Variants in DNAH17 observed in about 807,000 individuals in gnomAD.
DNAH17 encodes axonemal beta dynein heavy chain 17.
In DNAH17, 376 loss-of-function variants were observed where a neutral mutation model predicts 485.6. That is an observed-to-expected ratio of 0.77 (90% CI 0.71 to 0.84). The LOEUF is 0.84. Ranked by LOEUF, DNAH17 falls within the 40% of genes least tolerant of loss-of-function variation. The probability of loss-of-function intolerance (pLI) is 0.00; values close to 1 mark genes in which losing one functional copy is unlikely to be tolerated. For missense variants in DNAH17, 6,370 were observed against 5,839.3 expected, an observed-to-expected ratio of 1.09 and a Z score of -2.96; for synonymous variants, 3,031 against 2,405.9, an observed-to-expected ratio of 1.26 and a Z score of -7.60.
rs756324797 is a variant in DNAH17, at chr17:78,480,638, C to T, written c.7752+46G>A. 6.5e-6 allele frequency: 10 copies of T among 1,536,930 alleles called. No individual in the cohort carries two copies. In the South Asian group the frequency reaches 1.1e-4, roughly 18 times the overall value. ...TTCCTCTCATTTGCCAGAAGCAAGC[C>T]TCAGACTCATGGCAGGTGACGGGGA... On this transcript the variant is annotated intron_variant, in intron 49 of 80. Coordinates refer to ENST00000389840, the MANE Select transcript of DNAH17 (RefSeq NM_173628.4).
chr17:78,501,395 G>A, intron 34 of DNAH17, 51 bp from the exon 35 acceptor site: 1 of 1,544,234 alleles, frequency 6.5e-7, no homozygotes, highest in South Asian at 1.2e-5. Context: ...AAGAGCTAGG[G>A]CTGCCTAAGG....
At chr17:78,572,633 G>GAGT (rs1305110380) in intron 3 of DNAH17, 68 bp downstream of exon 3, 8 of 1,363,456 alleles carry the variant, frequency 5.9e-6, no homozygotes, top group South Asian at 5.6e-5. Context: ...GAGTGGGGTG[G>GAGT]GGGGTGGGGG....
intron 13 of DNAH17, among the ~76,000 whole-genome samples, chr17:78,559,322 A>G (rs2092100627): frequency 1.3e-5 from 2 of 152,206 alleles, no homozygotes. Flanking sequence ...CAACAAGGCT[A>G]AAGCACAGCA....
At chr17:78,575,187 A>G (rs9903478) in intron 1 of DNAH17, 105 bp from the exon 2 acceptor site, 1 of 815,496 alleles carries the variant, frequency 1.2e-6, no homozygotes, top group Non-Finnish European at 1.9e-6. Context: ...GAGCAGGAAC[A>G]AAACAGTTGG....
At position 78,450,691 on chromosome 17, in the gene DNAH17, G is replaced by A. The variant is rs145435327; in HGVS notation, c.10890C>T (p.Ile3630=). The stretch of plus-strand genomic sequence containing the variant: ...CCGAGGCAGCTCTGACCTTCTCCTC[G>A]ATCTCGCTGGCTGTGTGCTTGGTGG... ...LETTKHTASE[I]EEKVVEAKIT... Residue 3630 remains isoleucine, a synonymous_variant, in exon 67 of 81, where the codon ATC becomes ATT. Coordinates refer to ENST00000389840, the MANE Select transcript of DNAH17 (RefSeq NM_173628.4). The A allele has an allele frequency of 1.4e-5, 23 of 1,612,864 alleles. No homozygotes were observed. The highest frequency in any genetic ancestry group is 1.3e-4 in the South Asian group (12 of 90,954).
chr17:78,499,037 C>A lies in DNAH17; in HGVS notation c.5716G>T (p.Val1906Leu), dbSNP rs1377396237. The part of the protein sequence containing the change: ...GCFDEFNRIS[V>L]EVLSVIAVQV... ...ACGGCAATCACAGACAAGACTTCCA[C>A]TGAGATGCGATTAAACTCGTCAAAG... Residue 1906 changes from valine (V) to leucine (L), a missense_variant, in exon 37 of 81, where the codon GTG (valine) becomes TTG (leucine). Val to Leu is a conservative substitution (Grantham distance 32, BLOSUM62 1). Coordinates refer to ENST00000389840, the MANE Select transcript of DNAH17 (RefSeq NM_173628.4). 7 of 1,611,088 alleles carry A rather than the reference C, an allele frequency of 4.3e-6. No individual in the cohort carries two copies. The South Asian group carries it at 5.5e-5, about 13-fold the overall frequency.
At position 78,571,510 on chromosome 17, in the gene DNAH17, T is replaced by C; in HGVS notation, c.732+80A>G. 5 of 1,547,474 alleles carry C rather than the reference T, an allele frequency of 3.2e-6. No individual in the cohort carries two copies. The South Asian group carries it at 4.5e-5, about 14-fold the overall frequency. On this transcript the variant is annotated intron_variant, in intron 4 of 80. Coordinates refer to ENST00000389840, the MANE Select transcript of DNAH17 (RefSeq NM_173628.4). Reference sequence around the variant, plus strand: ...AGAGCCCTCAGGACTCCTGGGAGGTTGGCACTGGGAGGCGGAGAGCTCGGC... The same window carrying C: ...AGAGCCCTCAGGACTCCTGGGAGGTCGGCACTGGGAGGCGGAGAGCTCGGC...
intron 15 of DNAH17, 37 bp downstream of exon 15, chr17:78,552,660 A>G: frequency 6.6e-7 from 1 of 1,517,966 alleles, no homozygotes; most frequent in Non-Finnish European, 9.2e-7. Context: ...TGGACTCCCA[A>G]GTTTAATCCA....
intron 37 of DNAH17, among the ~76,000 whole-genome samples, chr17:78,498,154 CATAAATAAATAAATAAATAA>C (rs148513000): frequency 1.2e-4 from 18 of 146,584 alleles, no homozygotes; most frequent in African/African-American, 4.0e-4. Flanking sequence ...AAAAACAAAA[CATAAATAAATAAATAAATAA>C]ATAAATAAAT....
At chr17:78,431,442 G>A (rs1360472172) in intron 75 of DNAH17, among the ~76,000 whole-genome samples, 1 of 146,880 alleles carries the variant, frequency 6.8e-6, no homozygotes, top group Non-Finnish European at 1.5e-5. Flanking sequence ...CGTACCTGCT[G>A]AGGGAACCCC....
intron 15 of DNAH17, among the ~76,000 whole-genome samples, 180 bp from the exon 16 acceptor site, chr17:78,551,818 C>T (rs1324990972): frequency 2.0e-5 from 3 of 151,992 alleles, no homozygotes; most frequent in African/African-American, 7.3e-5. Context: ...AAAAAATTAG[C>T]TGGGCATAGC....
In DNAH17 at chr17:78,461,553, G is replaced by A. The variant is rs1044616844; in HGVS notation, c.9330C>T (p.Val3110=). ...IADQEEVKVE[V]INKNVTEKQK... ...GGCTGCCTTCACCTACCTTATTGAT[G>A]ACCTCGACCTTGACTTCTTCCTGGT... Residue 3110 remains valine (V), a synonymous_variant, in exon 58 of 81, where the codon GTC becomes GTT. Coordinates refer to ENST00000389840, the MANE Select transcript of DNAH17 (RefSeq NM_173628.4). The A allele has an allele frequency of 3.1e-6, 5 of 1,591,324 alleles. No homozygotes were observed. Among genetic ancestry groups the A allele is most frequent in the Admixed American group, 1.8e-5 (1 of 56,538 alleles).
At chr17:78,541,365 G>A (rs1355040769) in intron 17 of DNAH17, among the ~76,000 whole-genome samples, 1 of 147,624 alleles carries the variant, frequency 6.8e-6, no homozygotes, top group Non-Finnish European at 1.5e-5. Flanking sequence ...AATGTGGTGG[G>A]TAGATGTGTA....
At chr17:78,508,590 A>G (rs1212992792) in intron 27 of DNAH17, among the ~76,000 whole-genome samples, 2 of 152,128 alleles carry the variant, frequency 1.3e-5, no homozygotes, top group Admixed American at 6.5e-5. Context: ...AAGCATAGTG[A>G]AAATGTTGCC....
At chr17:78,464,901 T>C (rs576604243) in intron 56 of DNAH17, among the ~76,000 whole-genome samples, 15 of 152,280 alleles carry the variant, frequency 9.9e-5, no homozygotes, top group African/African-American at 4.8e-5. Flanking sequence ...ATGAATTTTT[T>C]AGCGCTAATT....
intron 44 of DNAH17, among the ~76,000 whole-genome samples, chr17:78,488,944 A>G (rs2089731436): frequency 6.6e-6 from 1 of 151,812 alleles, no homozygotes; most frequent in Non-Finnish European, 1.5e-5. Context: ...AGAGCCTCAG[A>G]GGGAACCAGC....
At chr17:78,552,328 G>A (rs1375687749) in intron 15 of DNAH17, among the ~76,000 whole-genome samples, 3 of 152,174 alleles carry the variant, frequency 2.0e-5, no homozygotes, top group African/African-American at 4.8e-5. Flanking sequence ...CTTTGCTGAC[G>A]TCTGCCCTGA....
intron 69 of DNAH17, among the ~76,000 whole-genome samples, chr17:78,446,644 A>C (rs1324552093): frequency 6.6e-6 from 1 of 151,584 alleles, no homozygotes; most frequent in Non-Finnish European, 1.5e-5. Flanking sequence ...TTTATTATTT[A>C]TTATTATTTA....
At position 78,461,590 on chromosome 17, in the gene DNAH17, T is replaced by C. The variant is rs778468594; in HGVS notation, c.9293A>G (p.Lys3098Arg). ...GACTTCTTCCTGGTCAGCAATGGCCTTCTCTTTGCTGACCTTCTCGGCCTC... is the reference window on the plus strand; with the variant it reads ...GACTTCTTCCTGGTCAGCAATGGCCCTCTCTTTGCTGACCTTCTCGGCCTC... ...GIEAEKVSKE[K>R]AIADQEEVKV... Residue 3098 changes from lysine to arginine, a missense_variant, in exon 58 of 81, where the codon AAG (lysine) becomes AGG (arginine). Lys to Arg is a conservative substitution (Grantham distance 26). Coordinates refer to ENST00000389840, the MANE Select transcript of DNAH17 (RefSeq NM_173628.4). 11 of 1,606,094 alleles carry C rather than the reference T, an allele frequency of 6.8e-6. No individual in the cohort carries two copies. Among genetic ancestry groups the C allele is most frequent in the Non-Finnish European group, 8.5e-6 (10 of 1,176,942 alleles).
Sources: allele counts gnomAD v4.1 joint callset (sites outside exome capture counted in the v4.1 genomes callset), GRCh38; gene constraint gnomAD v4.1.1; transcripts MANE v1.5; gene names NCBI Gene and HGNC (gene_info 2026-07-23, HGNC 2026-07-21).